PRDM9: variants seen among roughly 807,000 people sequenced by gnomAD.
PRDM9 encodes the protein histone-lysine N-methyltransferase PRDM9.
PRDM9 carries 47 observed loss-of-function variants against 55.6 expected under a neutral mutation model. That is an observed-to-expected ratio of 0.85 (90% confidence interval 0.67 to 1.08). The LOEUF (loss-of-function observed/expected upper bound fraction) is 1.08. PRDM9 is among the 50% of genes least tolerant of loss of function. The pLI, the probability that PRDM9 is intolerant of heterozygous loss-of-function variation, is 0.00. For synonymous variants in PRDM9, 312 were observed against 375.7 expected (o/e 0.83, Z 1.96); for missense variants, 867 against 1,040.3 (o/e 0.83, Z 2.29).
At chr5:23,522,969 G>T (rs1249470658) in intron 8 of PRDM9, 84 bp downstream of exon 8, 1 of 1,602,358 alleles carries the variant, frequency 6.2e-7, no homozygotes, top group Non-Finnish European at 8.5e-7. Context: ...CTACATGTTA[G>T]TATATAGGTA....
intron 10 of PRDM9, 128 bp from the exon 11 acceptor site, chr5:23,526,105 A>C: frequency 1.8e-6 from 2 of 1,120,358 alleles, no homozygotes; most frequent in Non-Finnish European, 2.7e-6. Flanking sequence ...TCCATCCAGC[A>C]CTTGGTGGGA....
At chr5:23,524,551 A>T in intron 10 of PRDM9, 24 bp downstream of exon 10, 1 of 1,612,858 alleles carries the variant, frequency 6.2e-7, no homozygotes, top group East Asian at 2.2e-5. Context: ...TTACTCTTTT[A>T]AAAGGACAGG....
At position 23,522,806 on chromosome 5, in the gene PRDM9, C is replaced by G; in HGVS notation, c.803C>G (p.Pro268Arg). 1 of 1,614,222 alleles carries G rather than the reference C, an allele frequency of 6.2e-7. No homozygotes were observed. Residue 268 changes from proline to arginine, a missense_variant, in exon 8 of 11, where the codon CCG (proline) becomes CGG (arginine). This residue lies in a region of PRDM9 where 662 missense variants were observed against 711.9 expected (regional missense o/e 0.93). Transcript: ENST00000296682. The part of the protein sequence containing the change: ...LGVWNEASDL[P>R]LGLHFGPYEG... Reference sequence around the variant, plus strand: ...GTATGGAATGAGGCATCTGATCTGCCGCTGGGTCTGCACTTTGGCCCTTAT... The same window carrying G: ...GTATGGAATGAGGCATCTGATCTGCGGCTGGGTCTGCACTTTGGCCCTTAT...
chr5:23,524,802 A>G (rs1469755117), intron 10 of PRDM9, among the ~76,000 whole-genome samples: 1 of 152,234 alleles, frequency 6.6e-6, no homozygotes, highest in Non-Finnish European at 1.5e-5. Context: ...GACAAAAATC[A>G]AGTTCTCAAA....
intron 4 of PRDM9, among the ~76,000 whole-genome samples, chr5:23,513,152 G>A (rs577441833): frequency 1.3e-5 from 2 of 152,208 alleles, no homozygotes; most frequent in Admixed American, 6.5e-5. Context: ...ACCCAGAAGT[G>A]GAATTTCTGG....
At position 23,527,878 on chromosome 5, in the gene PRDM9, A is replaced by G; in HGVS notation, c.*105A>G. The stretch of plus-strand genomic sequence containing the variant: ...AGGTGGCTTCAGCGGAAGTCTGCTG[A>G]CCCCTTATATTCCCCGAGAGTATAA... On this transcript the variant is annotated 3_prime_UTR_variant, in exon 11 of 11. Coordinates refer to ENST00000296682, the MANE Select transcript of PRDM9 (RefSeq NM_020227.4). 7.2e-7 allele frequency: 1 copy of G among 1,392,948 alleles called. No homozygotes were observed. The highest frequency in any genetic ancestry group is 1.2e-5 in the South Asian group (1 of 83,520). 86.3% of individuals were successfully genotyped at this position (1,392,948 alleles called of 1,614,324 possible). A position where few individuals can be genotyped will look rare whatever the true frequency, so the allele number is the denominator to read the frequency against.
At position 23,509,453 on chromosome 5, in the gene PRDM9, T is replaced by A. The variant is rs1361487307; in HGVS notation, c.70-17T>A. Reference sequence around the variant, plus strand: ...GTGTACTAGTAAATCACTGATGGAATCTGTTACTTCCTCTAGGTCAAAGAT... The same window carrying A: ...GTGTACTAGTAAATCACTGATGGAAACTGTTACTTCCTCTAGGTCAAAGAT... On this transcript the variant is annotated splice_polypyrimidine_tract_variant and intron_variant, in intron 2 of 10. Coordinates refer to ENST00000296682, the MANE Select transcript of PRDM9 (RefSeq NM_020227.4). The A allele has an allele frequency of 6.2e-7, 1 of 1,614,044 alleles. No individual in the cohort carries two copies. The highest frequency in any genetic ancestry group is 8.5e-7 in the Non-Finnish European group (1 of 1,180,028).
At chr5:23,515,999 T>G (rs1026675986) in intron 4 of PRDM9, among the ~76,000 whole-genome samples, 1 of 152,256 alleles carries the variant, frequency 6.6e-6, no homozygotes, top group African/African-American at 2.4e-5. Context: ...TTCTGAGTCC[T>G]TAGAGATTCT....
intron 4 of PRDM9, among the ~76,000 whole-genome samples, chr5:23,513,365 G>C (rs1183423042): frequency 2.0e-5 from 3 of 152,174 alleles, no homozygotes; most frequent in Non-Finnish European, 4.4e-5. Context: ...CTCATGAATG[G>C]ATTAACGCCA....
At chr5:23,509,135 A>G (rs756267847) in intron 2 of PRDM9, 33 bp downstream of exon 2, 13 of 1,611,492 alleles carry the variant, frequency 8.1e-6, no homozygotes, top group Non-Finnish European at 1.0e-5. Flanking sequence ...CTGGACTCCT[A>G]GCAGGAGCTG....
chr5:23,509,383 A>T, intron 2 of PRDM9, 87 bp from the exon 3 acceptor site: 1 of 1,604,056 alleles, frequency 6.2e-7, no homozygotes, highest in Non-Finnish European at 8.5e-7. Flanking sequence ...CAGAGGCCCC[A>T]GGCTATGTCC....
intron 5 of PRDM9, 44 bp downstream of exon 5, chr5:23,517,974 G>T: frequency 1.3e-6 from 2 of 1,508,556 alleles, no homozygotes; most frequent in Non-Finnish European, 1.8e-6. Flanking sequence ...CTTCCTCATG[G>T]ATCCAAACAC....
At position 23,522,988 on chromosome 5, in the gene PRDM9, A is replaced by T. The variant is rs929612506; in HGVS notation, c.882+103A>T. On this transcript the variant is annotated intron_variant, in intron 8 of 10. Transcript: ENST00000296682. ...ATGTTAGTATATAGGTAAGGATAAC[A>T]TGGTTAGCTCTGTGTACTCAAGGTT... 12 of 1,585,968 alleles carry T rather than the reference A, an allele frequency of 7.6e-6. No individual in the cohort carries two copies. In the Admixed American group the frequency reaches 1.7e-4, roughly 22 times the overall value.
At chr5:23,521,817 A>C in intron 6 of PRDM9, among the ~76,000 whole-genome samples, 1 of 152,212 alleles carries the variant, frequency 6.6e-6, no homozygotes, top group East Asian at 1.9e-4. Context: ...TGAAAGCATT[A>C]AATTAAATAT....
At chr5:23,511,029 G>A (rs1739085513) in intron 4 of PRDM9, among the ~76,000 whole-genome samples, 1 of 151,314 alleles carries the variant, frequency 6.6e-6, no homozygotes, top group African/African-American at 2.4e-5. Context: ...GGTGGTGGGT[G>A]CCTATAACCC....
rs372953110 is a variant in PRDM9, at chr5:23,527,415, A to G, written c.2327A>G (p.Tyr776Cys). 2.8e-5 allele frequency: 45 copies of G among 1,595,276 alleles called. No individual in the cohort carries two copies. In the African/African-American group the frequency reaches 5.9e-4, roughly 21 times the overall value. ...AGGACACACACAGGGGAGAAGCCCT[A>G]TGTCTGCAGGGAGTGTGGGCGGGGC... ...HQRTHTGEKP[Y>C]VCRECGRGFR... The change falls in exon 11 of 11, where the codon TAT becomes TGT. Residue 776 changes from tyrosine (Y) to cysteine (C), a missense_variant. Coordinates refer to ENST00000296682, the MANE Select transcript of PRDM9 (RefSeq NM_020227.4).
At position 23,509,044 on chromosome 5, in the gene PRDM9, A is replaced by T; in HGVS notation, c.11A>T (p.Glu4Val). Residue 4 changes from glutamate to valine, a missense_variant, in exon 2 of 11, where the codon GAA becomes GTA. Physicochemically the swap from Glu to Val is moderately radical, Grantham distance 121 (BLOSUM62 -2). Transcript: ENST00000296682. ...GACAGTCCCAGCACCATGAGCCCTG[A>T]AAAGTCCCAAGAGGAGAGCCCAGAA... MSPEKSQEESPEED... is the reference protein window; with the variant it reads MSPVKSQEESPEED... 1 of 1,614,104 alleles carries T rather than the reference A, an allele frequency of 6.2e-7. No homozygotes were observed. The highest frequency in any genetic ancestry group is 8.5e-7 in the Non-Finnish European group (1 of 1,179,980).
At chr5:23,524,643 A>G (rs1739397919) in intron 10 of PRDM9, 116 bp downstream of exon 10, 1 of 1,436,612 alleles carries the variant, frequency 7.0e-7, no homozygotes, top group African/African-American at 1.4e-5. Flanking sequence ...TAAGATTTCA[A>G]ATCAGTGGCT....
chr5:23,520,656 C>T (rs1314145689), intron 5 of PRDM9, among the ~76,000 whole-genome samples: 1 of 151,956 alleles, frequency 6.6e-6, no homozygotes, highest in African/African-American at 2.4e-5. Flanking sequence ...TGCTTCTCTA[C>T]ATTTCCCCTT....
Sources: gnomAD v4.1 joint callset for allele counts (sites outside exome capture counted in the v4.1 genomes callset) on GRCh38, gnomAD v4.1.1 for gene constraint, gnomAD v4.1.1 regional missense constraint, MANE v1.5 for transcripts, NCBI Gene and HGNC (gene_info 2026-07-23, HGNC 2026-07-21) for gene names.